Variants in GFM2 observed in about 807,000 individuals in gnomAD.
GFM2 encodes the protein ribosome-releasing factor 2, mitochondrial.
A neutral mutation model predicts 95.4 loss-of-function variants in GFM2; 72 were observed. The ratio of observed to expected loss-of-function variants is 0.76; its 90% confidence interval spans 0.62 to 0.92. The LOEUF is 0.92. Among genes scored for constraint, GFM2 ranks in the 40% least tolerant of loss-of-function variants. The pLI is 0.00. For synonymous variants in GFM2, 276 were observed against 317.5 expected (o/e 0.87, Z 1.39); for missense variants, 825 against 924.1 (o/e 0.89, Z 1.39).
intron 7 of GFM2, among the ~76,000 whole-genome samples, chr5:74,748,593 G>A (rs982886882): frequency 5.3e-5 from 8 of 152,088 alleles, no homozygotes; most frequent in African/African-American, 2.4e-5. Flanking sequence ...CCACCAGTGC[G>A]GTGGCTCACG....
At chr5:74,745,970 A>C in intron 9 of GFM2, 113 bp from the exon 10 acceptor site, 1 of 1,089,262 alleles carries the variant, frequency 9.2e-7, no homozygotes, top group Non-Finnish European at 1.3e-6. Flanking sequence ...TATCACCATT[A>C]CTATAATCTG....
At chr5:74,757,208 A>C (rs1744030785) in intron 5 of GFM2, among the ~76,000 whole-genome samples, 1 of 152,180 alleles carries the variant, frequency 6.6e-6, no homozygotes, top group Non-Finnish European at 1.5e-5. Context: ...TCACAGAGCA[A>C]ATGTGTGTGT....
At chr5:74,745,299 T>C (rs6453078) in intron 10 of GFM2, among the ~76,000 whole-genome samples, 126,532 of 152,174 alleles carry the variant, frequency 0.83, 53,169 homozygotes, top group African/African-American at 0.96. Flanking sequence ...GAGCTGAGAT[T>C]GTGCCACTGC....
chr5:74,762,011 C>G (rs1268174018), intron 2 of GFM2, among the ~76,000 whole-genome samples: 1 of 152,168 alleles, frequency 6.6e-6, no homozygotes, highest in Non-Finnish European at 1.5e-5. Flanking sequence ...TCTATCACAG[C>G]GTGCATAGTC....
intron 2 of GFM2, among the ~76,000 whole-genome samples, chr5:74,762,569 G>T (rs1744337485): frequency 2.0e-5 from 3 of 152,226 alleles, no homozygotes; most frequent in South Asian, 4.1e-4. Context: ...ATTAAGCCAA[G>T]AATGTTCACC....
At chr5:74,733,378 G>T (rs1491003139) in intron 15 of GFM2, 1 of 219,048 alleles carries the variant, frequency 4.6e-6, no homozygotes, top group African/African-American at 2.3e-5. Context: ...ACATACTGCA[G>T]AGACAAAAAG....
rs375791445 is a variant in GFM2, at chr5:74,721,784, C to T, written c.2212-1G>A. Reference sequence around the variant, plus strand: ...GCGTTCGAAGCACAGTTGAATAACCCTAATCAAAATAATTTAAGTCATTTA... The same window carrying T: ...GCGTTCGAAGCACAGTTGAATAACCTTAATCAAAATAATTTAAGTCATTTA... On this transcript the variant is annotated splice_acceptor_variant, in intron 20 of 20. Coordinates refer to ENST00000296805, the MANE Select transcript of GFM2 (RefSeq NM_032380.5). LOFTEE classifies it high-confidence loss of function. The T allele has an allele frequency of 2.5e-6, 4 of 1,601,694 alleles. No homozygotes were observed. The highest frequency in any genetic ancestry group is 2.2e-5 in the East Asian group (1 of 44,776).
rs965969419 is a variant in GFM2, at chr5:74,745,595, C to T, written c.849+83G>A. 62 of 1,190,284 alleles carry T rather than the reference C, an allele frequency of 5.2e-5. No individual in the cohort carries two copies. The East Asian group carries it at 1.4e-3, about 28-fold the overall frequency. 73.7% of individuals were successfully genotyped at this position (1,190,284 alleles called of 1,614,324 possible). ...TCCACAGGAGGTCCTGCAACCAATCCCCGAGAGATGCTAAAGTATGACTAT... is the reference window on the plus strand; with the variant it reads ...TCCACAGGAGGTCCTGCAACCAATCTCCGAGAGATGCTAAAGTATGACTAT... On this transcript the variant is annotated intron_variant, in intron 10 of 20. Coordinates refer to ENST00000296805, the MANE Select transcript of GFM2 (RefSeq NM_032380.5).
chr5:74,765,097 C>G, intron 1 of GFM2: 1 of 1,259,336 alleles, frequency 7.9e-7, no homozygotes, highest in Non-Finnish European at 1.0e-6. Context: ...TGAATCCATT[C>G]CCTTTTCATT....
chr5:74,721,311 C>T lies in GFM2; in HGVS notation c.*344G>A. ...GAACCTTTGACCCTCTATCTTATTA[C>T]ATTTAGAGGCCTGGCATCTTTCTTG... On this transcript the variant is annotated 3_prime_UTR_variant, in exon 21 of 21. Transcript: ENST00000296805. The T allele has an allele frequency of 1.2e-6, 1 of 809,648 alleles. No homozygotes were observed. Among genetic ancestry groups the T allele is most frequent in the Non-Finnish European group, 2.1e-6 (1 of 470,846 alleles). The allele number at this position is 809,648 out of a possible 1,614,324, so 50.2% of individuals were successfully genotyped here.
intron 12 of GFM2, among the ~76,000 whole-genome samples, chr5:74,739,653 T>C (rs1257700080): frequency 1.3e-5 from 2 of 152,288 alleles, no homozygotes; most frequent in Non-Finnish European, 2.9e-5. Context: ...TTTGAGCTTA[T>C]GAAAAATCCT....
At position 74,730,368 on chromosome 5, in the gene GFM2, T is replaced by C; in HGVS notation, c.1618A>G (p.Ile540Val). 1 of 1,611,242 alleles carries C rather than the reference T, an allele frequency of 6.2e-7. No individual in the cohort carries two copies. The highest frequency in any genetic ancestry group is 1.3e-5 in the African/African-American group (1 of 74,990). ...TVLCGMGELH[I>V]EIIHDRIKRE... ...TTGATTCGATCATGAATAATCTCTA[T>C]ATGTAACTCCCCCATACCACACAGA... Residue 540 changes from isoleucine to valine, a missense_variant, in exon 17 of 21, where the codon ATA becomes GTA. By Grantham distance (29) the Ile-to-Val change is conservative. Coordinates refer to ENST00000296805, the MANE Select transcript of GFM2 (RefSeq NM_032380.5).
intron 5 of GFM2, among the ~76,000 whole-genome samples, chr5:74,753,940 A>C (rs1743843980): frequency 6.7e-6 from 1 of 149,960 alleles, no homozygotes; most frequent in South Asian, 2.1e-4. Flanking sequence ...TCAAGACAGG[A>C]AACAATTTTA....
chr5:74,732,655 C>T (rs539463210), intron 16 of GFM2, among the ~76,000 whole-genome samples: 18 of 152,182 alleles, frequency 1.2e-4, no homozygotes, highest in African/African-American at 3.6e-4. Flanking sequence ...TTCAAAAGCA[C>T]CTTCCAATCC....
chr5:74,755,233 G>A (rs1174244778), intron 5 of GFM2, among the ~76,000 whole-genome samples: 1 of 151,958 alleles, frequency 6.6e-6, no homozygotes, highest in Non-Finnish European at 1.5e-5. Context: ...TAGACCACAA[G>A]ACAGGCTACA....
At chr5:74,736,494 T>G in intron 15 of GFM2, 1 of 985,202 alleles carries the variant, frequency 1.0e-6, no homozygotes, top group Non-Finnish European at 1.2e-6. Context: ...AGTTACTGTC[T>G]AATCTAATAT....
rs1744671923 is a variant in GFM2, at chr5:74,767,067, A to G, written c.-154T>C. 9.5e-6 allele frequency: 4 copies of G among 419,862 alleles called. No homozygotes were observed. The Admixed American group carries it at 1.1e-4, about 12-fold the overall frequency. The allele number at this position is 419,862 out of a possible 1,614,324, so 26.0% of individuals were successfully genotyped here. On this transcript the variant is annotated 5_prime_UTR_variant, in exon 1 of 21. Coordinates refer to ENST00000296805, the MANE Select transcript of GFM2 (RefSeq NM_032380.5). ...GCCTAGGCAAAAGGCAATGTATCTA[A>G]ACGAAAAGAAAATAGGCTTTCTCCG...
Position 74,721,705 on chromosome 5 carries a change from T to G in GFM2, c.2290A>C (p.Asn764His), listed in dbSNP as rs1316920396. 5 of 1,613,860 alleles carry G rather than the reference T, an allele frequency of 3.1e-6. No individual in the cohort carries two copies. In the South Asian group the frequency reaches 4.4e-5, roughly 14 times the overall value. The change falls in exon 21 of 21, where the codon AAT becomes CAT. Residue 764 changes from asparagine to histidine, a missense_variant. Physicochemically the swap from Asn to His is moderately conservative, Grantham distance 68. Coordinates refer to ENST00000296805, the MANE Select transcript of GFM2 (RefSeq NM_032380.5). ...AGCAGTGTATTTTGATCTTGAGGAT[T>G]CATGGCTTGATAAGTAGATAGTTCT... ...ALELSTYQAM[N>H]PQDQNTLLNR...
intron 17 of GFM2, 141 bp downstream of exon 17, chr5:74,730,119 A>T: frequency 1.3e-6 from 1 of 777,726 alleles, no homozygotes; most frequent in South Asian, 2.4e-5. Context: ...AATCCTAAAA[A>T]AACAAAAAAA....
Sources: gnomAD v4.1 joint callset for allele counts (sites outside exome capture counted in the v4.1 genomes callset) on GRCh38, gnomAD v4.1.1 for gene constraint, MANE v1.5 for transcripts, NCBI Gene and HGNC (gene_info 2026-07-23, HGNC 2026-07-21) for gene names.